CCSER1: variants seen among roughly 807,000 people sequenced by gnomAD.
CCSER1 encodes the protein serine-rich coiled-coil domain-containing protein 1.
In CCSER1, 41 loss-of-function variants were observed where a neutral mutation model predicts 82.0. The observed-to-expected ratio is 0.50, with a 90% CI of 0.39 to 0.65. The LOEUF (loss-of-function observed/expected upper bound fraction) is 0.65. CCSER1 is among the 30% of genes least tolerant of loss of function. CCSER1 has a pLI of 0.00. For missense variants in CCSER1, 1,119 were observed against 1,064.2 expected, an observed-to-expected ratio of 1.05 and a Z score of -0.72; for synonymous variants, 414 against 383.9, an observed-to-expected ratio of 1.08 and a Z score of -0.92.
intron 10 of CCSER1, among the ~76,000 whole-genome samples, chr4:91,561,191 A>G (rs74358666): frequency 0.038 from 5,768 of 151,384 alleles, 202 homozygotes; most frequent in South Asian, 0.16. Flanking sequence ...CTCTGCTTAA[A>G]ACTTCTTCCT....
chr4:91,452,176 C>T (rs1922230), intron 10 of CCSER1, among the ~76,000 whole-genome samples: 109,023 of 151,782 alleles, frequency 0.72, 39,806 homozygotes, highest in East Asian at 0.9. Context: ...AATTGACACA[C>T]AGACATCCTC....
At chr4:91,553,850 A>T (rs1588985) in intron 10 of CCSER1, among the ~76,000 whole-genome samples, 98,522 of 149,352 alleles carry the variant, frequency 0.66, 33,034 homozygotes, top group African/African-American at 0.76. Flanking sequence ...TCAATTTTTT[A>T]AAAAAAACCA....
chr4:91,234,565 C>CCATAAAATAATATCCCA (rs1232055957), intron 10 of CCSER1, among the ~76,000 whole-genome samples: 1 of 151,976 alleles, frequency 6.6e-6, no homozygotes, highest in Non-Finnish European at 1.5e-5. Context: ...AATTTGAATA[C>CCATAAAATAATATCCCA]CATAAAATAA....
At chr4:90,242,276 T>C (rs115548315) in intron 1 of CCSER1, among the ~76,000 whole-genome samples, 3,431 of 152,278 alleles carry the variant, frequency 0.023, 51 homozygotes, top group South Asian at 0.054. Context: ...CAGTGCACTC[T>C]AGCCTGGGCT....
intron 10 of CCSER1, among the ~76,000 whole-genome samples, chr4:91,573,841 C>T (rs1763308668): frequency 6.6e-6 from 1 of 152,074 alleles, no homozygotes; most frequent in Non-Finnish European, 1.5e-5. Context: ...GCACTCCCCA[C>T]CCAGTTCTGT....
chr4:91,553,125 G>A (rs1762239175), intron 10 of CCSER1, among the ~76,000 whole-genome samples: 1 of 151,502 alleles, frequency 6.6e-6, no homozygotes, highest in Admixed American at 6.6e-5. Flanking sequence ...TGAATTTTGT[G>A]AAATGCTTTT....
intron 5 of CCSER1, among the ~76,000 whole-genome samples, chr4:90,486,412 C>G (rs1163230004): frequency 6.6e-6 from 1 of 152,198 alleles, no homozygotes; most frequent in African/African-American, 2.4e-5. Flanking sequence ...TACATTTACC[C>G]CTTGAGTGCC....
intron 5 of CCSER1, among the ~76,000 whole-genome samples, chr4:90,613,592 A>G (rs1359495025): frequency 6.6e-6 from 1 of 152,178 alleles, no homozygotes; most frequent in Non-Finnish European, 1.5e-5. Flanking sequence ...AATTCTTTCC[A>G]GAAGGTTTTC....
chr4:90,692,226 TC>T (rs1736140475), intron 6 of CCSER1, among the ~76,000 whole-genome samples: 1 of 151,740 alleles, frequency 6.6e-6, no homozygotes, highest in Non-Finnish European at 1.5e-5. Flanking sequence ...AGACAGTTTG[TC>T]CCGTTCAATA....
chr4:90,697,877 C>T (rs1464321188), intron 6 of CCSER1, among the ~76,000 whole-genome samples: 1 of 151,964 alleles, frequency 6.6e-6, no homozygotes, highest in African/African-American at 2.4e-5. Flanking sequence ...ATAAGACAGG[C>T]CCACACACAC....
At chr4:91,193,374 T>G (rs1302324360) in intron 10 of CCSER1, among the ~76,000 whole-genome samples, 1 of 152,210 alleles carries the variant, frequency 6.6e-6, no homozygotes, top group Non-Finnish European at 1.5e-5. Context: ...ACTTTGTTCC[T>G]GTTCATAATA....
At chr4:91,283,005 T>C (rs7660028) in intron 10 of CCSER1, among the ~76,000 whole-genome samples, 3,155 of 152,176 alleles carry the variant, frequency 0.021, 111 homozygotes, top group African/African-American at 0.072. Context: ...TTATTTAATC[T>C]TTTAAAGATA....
At chr4:91,047,505 T>C (rs1188932962) in intron 9 of CCSER1, among the ~76,000 whole-genome samples, 1 of 152,150 alleles carries the variant, frequency 6.6e-6, no homozygotes, top group African/African-American at 2.4e-5. Context: ...ACAAATTACC[T>C]ATTTTCCCTC....
chr4:91,123,099 C>T, intron 10 of CCSER1, among the ~76,000 whole-genome samples: 1 of 151,652 alleles, frequency 6.6e-6, no homozygotes, highest in Middle Eastern at 3.4e-3. Context: ...TTCAATGATA[C>T]CTTTTTTAAA....
At chr4:91,012,753 GA>G (rs1321215354) in intron 9 of CCSER1, among the ~76,000 whole-genome samples, 7 of 82,628 alleles carry the variant, frequency 8.5e-5, no homozygotes, top group African/African-American at 1.7e-4. Flanking sequence ...GGACCAGGGG[GA>G]TGGTGTTGGC....
intron 1 of CCSER1, among the ~76,000 whole-genome samples, chr4:90,268,671 C>A (rs921522766): frequency 2.9e-4 from 44 of 151,736 alleles, no homozygotes; most frequent in Non-Finnish European, 1.2e-4. Flanking sequence ...AAATAAATAA[C>A]AAAATGGCAG....
rs1054438224 is a variant in CCSER1, at chr4:91,097,948, T to C, written c.2217+11954T>C. On this transcript the variant is annotated intron_variant, in intron 10 of 10. Coordinates refer to ENST00000509176, the MANE Select transcript of CCSER1 (RefSeq NM_001145065.2). ...TCTCTGCTGGATTACAGTGTGCTGA[T>C]TCTCCATTTTCTTTGCTGAAAACCA... Among the ~76,000 whole-genome samples the C allele has an allele frequency of 2.6e-5, 4 of 152,338 alleles. No individual in the cohort carries two copies. In the East Asian group the frequency reaches 7.7e-4, roughly 29 times the overall value.
intron 9 of CCSER1, among the ~76,000 whole-genome samples, chr4:90,975,198 C>T (rs1031945684): frequency 6.6e-6 from 1 of 151,066 alleles, no homozygotes; most frequent in Admixed American, 6.6e-5. Flanking sequence ...TTGCATTTAT[C>T]AGGGGTTAAG....
chr4:90,497,265 A>G (rs548502023), intron 5 of CCSER1, among the ~76,000 whole-genome samples: 87 of 152,314 alleles, frequency 5.7e-4, no homozygotes, highest in Admixed American at 1.6e-3. Flanking sequence ...ACACAGAACC[A>G]TGCAAAATGA....
Sources: gnomAD v4.1 joint callset for allele counts (sites outside exome capture counted in the v4.1 genomes callset) on GRCh38, gnomAD v4.1.1 for gene constraint, MANE v1.5 for transcripts, NCBI Gene and HGNC (gene_info 2026-07-23, HGNC 2026-07-21) for gene names.